The following RGPD8 variants were observed in gnomAD, a reference collection of about 807,000 sequenced individuals.
The protein encoded by RGPD8 is RANBP2 like and GRIP domain containing 8, also known as RANBP2-like and GRIP domain-containing protein 8.
Under a neutral mutation model 89.1 loss-of-function variants are expected in RGPD8, and 15 were observed. The ratio of observed to expected loss-of-function variants is 0.17; its 90% confidence interval spans 0.11 to 0.26. The LOEUF is 0.26. Ranked by LOEUF, RGPD8 falls within the 10% of genes least tolerant of loss-of-function variation. The pLI, the probability that RGPD8 is intolerant of heterozygous loss-of-function variation, is 1.00. For missense variants in RGPD8, 178 were observed against 1,179.6 expected (o/e 0.15, Z 12.44); for synonymous variants, 62 against 420.9 (o/e 0.15, Z 10.44).
chr2:112,422,503 A>C (rs1317960927), intron 3 of RGPD8, 45 bp downstream of exon 3: 5 of 1,600,852 alleles, frequency 3.1e-6, no homozygotes, highest in African/African-American at 1.4e-5. Flanking sequence ...TCTGGGCATC[A>C]TGTGTTTGGC....
chr2:112,433,132 C>T (rs1396248076), intron 1 of RGPD8, among the ~76,000 whole-genome samples: 1 of 122,278 alleles, frequency 8.2e-6, no homozygotes, highest in Non-Finnish European at 1.9e-5. Context: ...TCGAGGCCGC[C>T]GCCGGGCCGG....
At chr2:112,390,765 T>G (rs1459637928) in intron 19 of RGPD8, among the ~76,000 whole-genome samples, 1 of 143,274 alleles carries the variant, frequency 7.0e-6, no homozygotes, top group Non-Finnish European at 1.5e-5. Flanking sequence ...CACTCCCATT[T>G]TTAAAATATT....
intron 22 of RGPD8, among the ~76,000 whole-genome samples, chr2:112,376,808 CA>C (rs1678135090): frequency 7.0e-6 from 1 of 142,040 alleles, no homozygotes; most frequent in Non-Finnish European, 1.5e-5. Flanking sequence ...ACGTCTCAAA[CA>C]AACAAAAACA....
intron 7 of RGPD8, among the ~76,000 whole-genome samples, chr2:112,408,830 C>T (rs1248889359): frequency 1.1e-4 from 17 of 152,004 alleles, no homozygotes; most frequent in Middle Eastern, 3.4e-3. Flanking sequence ...CGCCACCATG[C>T]GTGGCTAATT....
chr2:112,370,699 C>A (rs1410994881), intron 22 of RGPD8, among the ~76,000 whole-genome samples: 11 of 131,446 alleles, frequency 8.4e-5, no homozygotes, highest in African/African-American at 2.5e-4. Context: ...ACACTGCTTA[C>A]TAAATTTCTC....
At chr2:112,409,786 A>G (rs1679094145) in intron 7 of RGPD8, among the ~76,000 whole-genome samples, 1 of 144,660 alleles carries the variant, frequency 6.9e-6, no homozygotes, top group Admixed American at 6.8e-5. Flanking sequence ...AGCCAGAGCA[A>G]GAGTGAGACT....
rs1464679751 is a variant in RGPD8 at position 112,404,858 on chromosome 2, CTG to C, written c.1067-685_1067-684del. On this transcript the variant is annotated intron_variant, in intron 8 of 22. Transcript: ENST00000302558. ...CTCCAGCCTGGGCGACAGAGTAAGA[CTG>C]TCTCAGGAAAAAAAAAAAAAAAAAA... Among the ~76,000 whole-genome samples, 14 of 113,966 alleles carry C rather than the reference CTG, an allele frequency of 1.2e-4. No homozygotes were observed. In the East Asian group the frequency reaches 3.6e-3, roughly 29 times the overall value. The allele number at this position is 113,966 out of a possible 152,430, so 74.8% of individuals were successfully genotyped here.
intron 1 of RGPD8, among the ~76,000 whole-genome samples, chr2:112,429,711 A>C (rs1679941711): frequency 6.6e-6 from 1 of 152,222 alleles, no homozygotes; most frequent in Admixed American, 6.5e-5. Context: ...GAGAAGTAGG[A>C]ATCAGCTGCA....
At chr2:112,427,523 A>C (rs898310621) in intron 1 of RGPD8, among the ~76,000 whole-genome samples, 10 of 152,188 alleles carry the variant, frequency 6.6e-5, no homozygotes, top group African/African-American at 2.4e-4. Context: ...AGGGCTGAAA[A>C]CAGGAACAGT....
At chr2:112,414,461 G>C (rs1311227456) in intron 6 of RGPD8, among the ~76,000 whole-genome samples, 1 of 105,744 alleles carries the variant, frequency 9.5e-6, no homozygotes, top group Admixed American at 9.3e-5. Context: ...TGGGCAACAA[G>C]AGCAAAACTC....
At chr2:112,429,262 T>C (rs891494687) in intron 1 of RGPD8, among the ~76,000 whole-genome samples, 2 of 151,428 alleles carry the variant, frequency 1.3e-5, no homozygotes, top group Non-Finnish European at 2.9e-5. Context: ...CTACTAAAAA[T>C]GCTAAAAAAT....
intron 1 of RGPD8, among the ~76,000 whole-genome samples, chr2:112,426,669 C>T (rs1319105402): frequency 1.3e-5 from 2 of 150,998 alleles, no homozygotes; most frequent in African/African-American, 2.4e-5. Context: ...GCTTAAATTA[C>T]AAAACCTTGC....
At chr2:112,433,339 C>A in intron 1 of RGPD8, 43 bp downstream of exon 1, 8 of 1,361,790 alleles carry the variant, frequency 5.9e-6, no homozygotes, top group Non-Finnish European at 7.9e-6. Context: ...GCCGCCGCCG[C>A]CCGGCCGGGT....
At chr2:112,431,029 A>C (rs964237331) in intron 1 of RGPD8, among the ~76,000 whole-genome samples, 2 of 152,152 alleles carry the variant, frequency 1.3e-5, no homozygotes, top group African/African-American at 4.8e-5. Flanking sequence ...AGGCGGGGAA[A>C]TCACTTGAGC....
At chr2:112,417,426 TCCAA>T in intron 5 of RGPD8, 88 bp from the exon 6 acceptor site, 1 of 1,558,746 alleles carries the variant, frequency 6.4e-7, no homozygotes, top group Non-Finnish European at 8.6e-7. Flanking sequence ...CTTTTCTCAC[TCCAA>T]CCACATTTGT....
In RGPD8 at chr2:112,433,391, C is replaced by A. The variant is rs766718253; in HGVS notation, c.63G>T (p.Ser21=). 1.2e-6 allele frequency: 2 copies of A among 1,610,114 alleles called. No homozygotes were observed. Among genetic ancestry groups the A allele is most frequent in the South Asian group, 2.2e-5 (2 of 90,930 alleles). Residue 21 remains serine, a synonymous_variant, in exon 1 of 23, where the codon TCG becomes TCT. Transcript: ENST00000302558. ...YVASVLGLTP[S]PRQKSMKGFY... ...TTCCAGACCCACTCACCTGTCGAGGCGACGGGGTGAGACCCAGCACCGAGG... is the reference window on the plus strand; with the variant it reads ...TTCCAGACCCACTCACCTGTCGAGGAGACGGGGTGAGACCCAGCACCGAGG...
chr2:112,389,189 G>T lies in RGPD8; in HGVS notation c.3756C>A (p.Asp1252Glu). The change falls in exon 20 of 23, where the codon GAC becomes GAA. Residue 1252 changes from aspartate (D) to glutamate (E), a missense_variant. Coordinates refer to ENST00000302558, the MANE Select transcript of RGPD8 (RefSeq NM_001164463.1). ...TGPTLEWDNYDLREDALDDSV... is the reference protein window; with the variant it reads ...TGPTLEWDNYELREDALDDSV... ...TATCATCCAAAGCATCTTCCCTTAA[G>T]TCATAGTTATCCCATTCTAATGTGG... The T allele has an allele frequency of 1.9e-6, 3 of 1,546,938 alleles. No homozygotes were observed. Among genetic ancestry groups the T allele is most frequent in the South Asian group, 2.3e-5 (2 of 87,502 alleles).
chr2:112,373,136 A>G (rs1471881705), intron 22 of RGPD8, among the ~76,000 whole-genome samples: 1 of 151,656 alleles, frequency 6.6e-6, no homozygotes, highest in Non-Finnish European at 1.5e-5. Flanking sequence ...CTGACTTACC[A>G]TAAGTCTATC....
At position 112,390,035 on chromosome 2, in the gene RGPD8, T is replaced by C. The variant is rs915496898; in HGVS notation, c.2910A>G (p.Thr970=). Residue 970 remains threonine (T), a synonymous_variant, in exon 20 of 23, where the codon ACA becomes ACG. Transcript: ENST00000302558. ...VIFGQTSSTF[T]FADVAKSTSG... ...AAGTTGATTTTGCAACATCTGCAAA[T>C]GTAAAAGTGCTACTTGTTTGGCCAA... The C allele has an allele frequency of 3.2e-6, 5 of 1,579,554 alleles. No homozygotes were observed. The highest frequency in any genetic ancestry group is 1.7e-5 in the Admixed American group (1 of 58,416).
Sources: gnomAD v4.1 joint callset for allele counts (sites outside exome capture counted in the v4.1 genomes callset) on GRCh38, gnomAD v4.1.1 for gene constraint, MANE v1.5 for transcripts, NCBI Gene and HGNC (gene_info 2026-07-23, HGNC 2026-07-21) for gene names.